NEMP1: variants seen among roughly 807,000 people sequenced by gnomAD.
NEMP1 encodes nuclear envelope integral membrane protein 1.
Under a neutral mutation model 53.7 loss-of-function variants are expected in NEMP1, and 29 were observed. That is an observed-to-expected ratio of 0.54 (90% confidence interval 0.40 to 0.74). The LOEUF is 0.74. NEMP1 is among the 30% of genes least tolerant of loss of function. The pLI is 0.00. For missense variants in NEMP1, 477 were observed against 528.6 expected (o/e 0.90, Z 0.96); for synonymous variants, 193 against 192.9 (o/e 1.00, Z 0.00).
Position 57,060,077 on chromosome 12 carries a change from A to G in NEMP1, c.1155-18T>C, listed in dbSNP as rs1453199202. ...CAGCAAATCTGGAAAAGAGAAGATA[A>G]TACTCGTTAGAAATATCCTTCTGTC... On this transcript the variant is annotated intron_variant, in intron 8 of 8. Coordinates refer to ENST00000300128, the MANE Select transcript of NEMP1 (RefSeq NM_001130963.2). 3 of 1,611,000 alleles carry G rather than the reference A, an allele frequency of 1.9e-6. No homozygotes were observed. The East Asian group carries it at 6.7e-5, about 36-fold the overall frequency.
Position 57,059,318 on chromosome 12 carries a change from T to C in NEMP1, c.*561A>G, listed in dbSNP as rs1192941151. ...TGGAGCACTTGCTGGTTCTGGAACA[T>C]GAGTTTGTTATGTTTTTTAAAAGAC... On this transcript the variant is annotated 3_prime_UTR_variant, in exon 9 of 9. Transcript: ENST00000300128. The C allele has an allele frequency of 1.3e-5, 2 of 152,288 alleles. No homozygotes were observed. The highest frequency in any genetic ancestry group is 3.8e-4 in the East Asian group (2 of 5,198). The allele number at this position is 152,288 out of a possible 1,614,324, so 9.4% of individuals were successfully genotyped here.
chr12:57,075,028 G>A (rs114688041), intron 1 of NEMP1, among the ~76,000 whole-genome samples: 4,679 of 151,942 alleles, frequency 0.031, 90 homozygotes, highest in Middle Eastern at 0.079. Context: ...AGGGGAGACT[G>A]CAGTGAGCCG....
chr12:57,067,521 C>T (rs899542522), intron 4 of NEMP1, among the ~76,000 whole-genome samples: 10 of 152,034 alleles, frequency 6.6e-5, no homozygotes, highest in East Asian at 3.9e-4. Flanking sequence ...GTTGGGAAAA[C>T]GGTGTGATAG....
intron 4 of NEMP1, among the ~76,000 whole-genome samples, chr12:57,065,917 G>A (rs1234829448): frequency 1.3e-5 from 2 of 152,034 alleles, no homozygotes; most frequent in African/African-American, 4.8e-5. Flanking sequence ...TCACAGAATT[G>A]AAGACAGTTA....
At chr12:57,085,810 G>A (rs559477431) in intron 1 of NEMP1, among the ~76,000 whole-genome samples, 62 of 152,354 alleles carry the variant, frequency 4.1e-4, no homozygotes, top group Middle Eastern at 6.8e-3. Flanking sequence ...AAGGGAAAGA[G>A]ATATGGAAAA....
At position 57,064,699 on chromosome 12, in the gene NEMP1, T is replaced by G; in HGVS notation, c.586A>C (p.Ile196Leu). 1 of 1,612,964 alleles carries G rather than the reference T, an allele frequency of 6.2e-7. No individual in the cohort carries two copies. Among genetic ancestry groups the G allele is most frequent in the Non-Finnish European group, 8.5e-7 (1 of 1,179,504 alleles). The change falls in exon 5 of 9, where the codon ATT becomes CTT. Residue 196 changes from isoleucine to leucine, a missense_variant. Coordinates refer to ENST00000300128, the MANE Select transcript of NEMP1 (RefSeq NM_001130963.2). ...ATGATGATTAGCAGAGAGGCCACAA[T>G]TCCCACAGTCATCCCAGTAGAGTAG... is the stretch of plus-strand genomic sequence containing the variant. ...FYYSTGMTVG[I>L]VASLLIIIFI...
intron 1 of NEMP1, among the ~76,000 whole-genome samples, chr12:57,074,768 A>G (rs1037856199): frequency 3.3e-5 from 5 of 152,192 alleles, no homozygotes; most frequent in Non-Finnish European, 7.3e-5. Context: ...TTTGTATTTA[A>G]TATCAGCTAA....
At position 57,058,497 on chromosome 12, in the gene NEMP1, T is replaced by C. The variant is rs1233004860; in HGVS notation, c.*1382A>G. On this transcript the variant is annotated 3_prime_UTR_variant, in exon 9 of 9. Transcript: ENST00000300128. Reference sequence around the variant, plus strand: ...AAAGAACCAAGTAAATGACAGACACTTGAGAATTTGCTTCCTCACAGATGA... The same window carrying C: ...AAAGAACCAAGTAAATGACAGACACCTGAGAATTTGCTTCCTCACAGATGA... The C allele has an allele frequency of 6.6e-6, 1 of 152,214 alleles. No homozygotes were observed. Among genetic ancestry groups the C allele is most frequent in the Non-Finnish European group, 1.5e-5 (1 of 68,036 alleles). 9.4% of individuals were successfully genotyped at this position (152,214 alleles called of 1,614,324 possible). A position where few individuals can be genotyped will look rare whatever the true frequency, so the allele number is the denominator to read the frequency against.
Position 57,063,131 on chromosome 12 carries a change from T to C in NEMP1, c.968A>G (p.Tyr323Cys). 6.2e-7 allele frequency: 1 copy of C among 1,612,982 alleles called. No individual in the cohort carries two copies. The highest frequency in any genetic ancestry group is 8.5e-7 in the Non-Finnish European group (1 of 1,178,902). ...GCCTTTCAGTCACCTGCAGGTGATG[T>C]ACAGCCACTGAATAGGGTGTTCCAG... ...KNLEHPIQWL[Y>C]ITCRKVCKGA... Residue 323 changes from tyrosine to cysteine, a missense_variant, in exon 7 of 9, where the codon TAC becomes TGC. Physicochemically the swap from Tyr to Cys is radical, Grantham distance 194. Coordinates refer to ENST00000300128, the MANE Select transcript of NEMP1 (RefSeq NM_001130963.2).
chr12:57,065,193 A>G (rs2032013071), intron 4 of NEMP1, among the ~76,000 whole-genome samples: 1 of 152,182 alleles, frequency 6.6e-6, no homozygotes, highest in Non-Finnish European at 1.5e-5. Context: ...ATTTCTTAAA[A>G]TATAATGAAG....
chr12:57,077,203 G>A (rs1162520009), intron 1 of NEMP1, among the ~76,000 whole-genome samples: 1 of 150,462 alleles, frequency 6.6e-6, no homozygotes, highest in Non-Finnish European at 1.5e-5. Context: ...GTGGTGGTGG[G>A]CGCCTGTAGT....
chr12:57,083,547 T>C (rs756165475), upstream of NEMP1, among the ~76,000 whole-genome samples: 6 of 152,238 alleles, frequency 3.9e-5, no homozygotes, highest in Non-Finnish European at 8.8e-5. Flanking sequence ...TGAAAGATAG[T>C]ATGGTGCATA....
In NEMP1 at chr12:57,063,143, A is replaced by C; in HGVS notation, c.956T>G (p.Ile319Ser). ...CCTGCAGGTGATGTACAGCCACTGA[A>C]TAGGGTGTTCCAGGTTCTTAGTACA... ...ALCTKNLEHP[I>S]QWLYITCRKV... The change falls in exon 7 of 9, where the codon ATT becomes AGT. Residue 319 changes from isoleucine to serine, a missense_variant. Ile to Ser is a moderately radical substitution (Grantham distance 142). Transcript: ENST00000300128. 6.2e-7 allele frequency: 1 copy of C among 1,613,932 alleles called. No individual in the cohort carries two copies. Among genetic ancestry groups the C allele is most frequent in the Non-Finnish European group, 8.5e-7 (1 of 1,179,798 alleles).
At chr12:57,080,617 T>C (rs145687081), upstream of NEMP1, among the ~76,000 whole-genome samples, 1,559 of 147,064 alleles carry the variant, frequency 0.011, 13 homozygotes, top group Admixed American at 0.02. Flanking sequence ...GGGCTGGGCA[T>C]GGTGGCTCAT....
At chr12:57,077,020 CAAGT>C (rs2032656864) in intron 1 of NEMP1, among the ~76,000 whole-genome samples, 1 of 151,916 alleles carries the variant, frequency 6.6e-6, no homozygotes, top group Non-Finnish European at 1.5e-5. Context: ...GAATGTAATA[CAAGT>C]AAGACAACAT....
At position 57,071,535 on chromosome 12, in the gene NEMP1, T is replaced by A. The variant is rs1008613595; in HGVS notation, c.253-642A>T. Among the ~76,000 whole-genome samples the A allele has an allele frequency of 1.1e-4, 17 of 152,198 alleles. 1 individual carries two copies. In the South Asian group the frequency reaches 3.3e-3, roughly 30 times the overall value. On this transcript the variant is annotated intron_variant, in intron 2 of 8. Transcript: ENST00000300128. ...TGGGACTACAGGGTGTGCGCCACCA[T>A]GCCCAGTTAATTTTTGTATTTTTAG...
intron 1 of NEMP1, among the ~76,000 whole-genome samples, chr12:57,077,134 C>T (rs960825989): frequency 2.0e-5 from 3 of 151,952 alleles, no homozygotes; most frequent in Non-Finnish European, 4.4e-5. Flanking sequence ...AGATCAAGAC[C>T]ATCCTGGCTA....
chr12:57,087,148 G>A (rs557531075), intron 1 of NEMP1, among the ~76,000 whole-genome samples: 47 of 152,304 alleles, frequency 3.1e-4, no homozygotes, highest in African/African-American at 1.1e-3. Context: ...GCTCAAAATC[G>A]GCTCCTCCCT....
chr12:57,060,570 A>C (rs2031749654), intron 8 of NEMP1, among the ~76,000 whole-genome samples: 1 of 152,230 alleles, frequency 6.6e-6, no homozygotes, highest in African/African-American at 2.4e-5. Context: ...TTAATGCTAC[A>C]ATCAAAGCTA....
Sources: gnomAD v4.1 joint callset for allele counts (sites outside exome capture counted in the v4.1 genomes callset) on GRCh38, gnomAD v4.1.1 for gene constraint, MANE v1.5 for transcripts, NCBI Gene and HGNC (gene_info 2026-07-23, HGNC 2026-07-21) for gene names.